The following SNTB1 variants were observed in gnomAD, a reference collection of about 807,000 sequenced individuals.
The protein encoded by SNTB1 is syntrophin beta 1.
Under a neutral mutation model 48.9 loss-of-function variants are expected in SNTB1, and 36 were observed. The ratio of observed to expected loss-of-function variants is 0.74; its 90% CI spans 0.56 to 0.97. The LOEUF (loss-of-function observed/expected upper bound fraction) is 0.97. Ranked by LOEUF, SNTB1 falls within the 50% of genes least tolerant of loss-of-function variation. The pLI is 0.00. For missense variants in SNTB1, 786 were observed against 703.4 expected, an observed-to-expected ratio of 1.12 and a Z score of -1.33; for synonymous variants, 299 against 294.6, an observed-to-expected ratio of 1.01 and a Z score of -0.15.
intron 2 of SNTB1, among the ~76,000 whole-genome samples, chr8:120,667,782 T>A (rs1163098690): frequency 6.6e-6 from 1 of 152,168 alleles, no homozygotes; most frequent in Non-Finnish European, 1.5e-5. Flanking sequence ...TGGAAACCAT[T>A]TGGTCTTTTC....
intron 1 of SNTB1, chr8:120,775,151 A>G (rs1408360733): frequency 6.6e-6 from 1 of 152,196 alleles, no homozygotes; most frequent in African/African-American, 2.4e-5. Flanking sequence ...GAAAATAGTC[A>G]ATCTGGCCTA....
intron 1 of SNTB1, among the ~76,000 whole-genome samples, chr8:120,806,818 A>G (rs547993765): frequency 2.0e-5 from 3 of 152,336 alleles, no homozygotes; most frequent in African/African-American, 7.2e-5. Flanking sequence ...GAATCTGTAC[A>G]TCCTAAATAA....
chr8:120,587,839 C>T (rs1484148302), intron 3 of SNTB1, among the ~76,000 whole-genome samples: 1 of 152,090 alleles, frequency 6.6e-6, no homozygotes, highest in African/African-American at 2.4e-5. Flanking sequence ...TTAGCCTCCT[C>T]TCGATGTGGT....
At chr8:120,684,507 C>T (rs1284986566) in intron 2 of SNTB1, among the ~76,000 whole-genome samples, 1 of 152,064 alleles carries the variant, frequency 6.6e-6, no homozygotes, top group East Asian at 1.9e-4. Context: ...AATTTCCCTC[C>T]AGATGTAGGC....
chr8:120,676,936 C>A (rs905272087), intron 2 of SNTB1, among the ~76,000 whole-genome samples: 8 of 151,824 alleles, frequency 5.3e-5, no homozygotes, highest in Admixed American at 1.3e-4. Context: ...GGGTTTTGTG[C>A]ACCTGCAGTC....
At chr8:120,711,037 G>T (rs550555440) in intron 1 of SNTB1, among the ~76,000 whole-genome samples, 1 of 152,102 alleles carries the variant, frequency 6.6e-6, no homozygotes. Flanking sequence ...TTTTTGGCTT[G>T]TGCAAAAACC....
At chr8:120,662,213 A>G (rs1181483849) in intron 2 of SNTB1, among the ~76,000 whole-genome samples, 4 of 152,240 alleles carry the variant, frequency 2.6e-5, no homozygotes, top group East Asian at 1.9e-4. Flanking sequence ...ATCTATATCT[A>G]AACTATCTAG....
intron 2 of SNTB1, among the ~76,000 whole-genome samples, chr8:120,664,845 G>A (rs1817648432): frequency 2.0e-5 from 3 of 152,166 alleles, no homozygotes; most frequent in African/African-American, 7.2e-5. Flanking sequence ...TTAAGGAATA[G>A]CCAAACTGTA....
chr8:120,755,145 TGTGTGTGTGTGTG>T (rs1819292909), intron 1 of SNTB1, among the ~76,000 whole-genome samples: 2 of 146,654 alleles, frequency 1.4e-5, no homozygotes, highest in African/African-American at 5.0e-5. Flanking sequence ...TGTGGTGTTG[TGTGTGTGTGTGTG>T]TGTGTGTGTG....
intron 2 of SNTB1, among the ~76,000 whole-genome samples, chr8:120,636,605 G>C (rs1399307218): frequency 2.6e-3 from 329 of 127,330 alleles, no homozygotes; most frequent in South Asian, 4.6e-3. Flanking sequence ...GTATTCCATG[G>C]TGTATATGTG....
intron 2 of SNTB1, among the ~76,000 whole-genome samples, chr8:120,666,346 G>A (rs537435544): frequency 6.6e-6 from 1 of 152,220 alleles, no homozygotes; most frequent in South Asian, 2.1e-4. Flanking sequence ...TTTTTGCTGG[G>A]TATAGAATAC....
At chr8:120,638,136 C>G (rs978696552) in intron 2 of SNTB1, 3 of 152,470 alleles carry the variant, frequency 2.0e-5, no homozygotes, top group Non-Finnish European at 4.4e-5. Context: ...GAGTAGGAAT[C>G]TCCTGTCAAA....
chr8:120,637,530 T>C (rs1817102420), intron 2 of SNTB1: 1 of 200,026 alleles, frequency 5.0e-6, no homozygotes, highest in Non-Finnish European at 1.0e-5. Context: ...CTTATTTTTA[T>C]TGTGACATCA....
At chr8:120,777,002 T>A (rs1227093511) in intron 1 of SNTB1, among the ~76,000 whole-genome samples, 1 of 152,178 alleles carries the variant, frequency 6.6e-6, no homozygotes, top group African/African-American at 2.4e-5. Flanking sequence ...AGAATTAACA[T>A]TCCAGTTTTA....
At position 120,792,931 on chromosome 8, in the gene SNTB1, TC is replaced by T. The variant is rs1259209216; in HGVS notation, c.571+18341del. 7.2e-5 allele frequency among the ~76,000 whole-genome samples: 11 copies of T among 151,994 alleles called. No individual in the cohort carries two copies. In the East Asian group the frequency reaches 2.1e-3, roughly 29 times the overall value. On this transcript the variant is annotated intron_variant, in intron 1 of 6. Transcript: ENST00000517992. ...CTATTACACTATGGTTCTCCCTGAC[TC>T]TAATTCAAGGCAAACTCCACTGGAA...
intron 1 of SNTB1, among the ~76,000 whole-genome samples, chr8:120,755,671 G>T (rs1488413280): frequency 6.6e-6 from 1 of 152,038 alleles, no homozygotes; most frequent in Non-Finnish European, 1.5e-5. Context: ...TGGTGGTGGT[G>T]GTAGTGATAC....
At chr8:120,795,426 GCT>G (rs1282514521) in intron 1 of SNTB1, among the ~76,000 whole-genome samples, 1 of 151,960 alleles carries the variant, frequency 6.6e-6, no homozygotes, top group Non-Finnish European at 1.5e-5. Context: ...CCATTGCCCA[GCT>G]CTCTCTGTCC....
chr8:120,538,830 G>T lies in SNTB1; in HGVS notation c.*47C>A, dbSNP rs1301344336. 3 of 1,430,434 alleles carry T rather than the reference G, an allele frequency of 2.1e-6. No homozygotes were observed. The highest frequency in any genetic ancestry group is 1.1e-5 in the South Asian group (1 of 87,220). The allele number at this position is 1,430,434 out of a possible 1,614,324, so 88.6% of individuals were successfully genotyped here. ...GATGGTGTCTGACATCACGTTCTCTGGTGGCATTGCAGCCCTTCTTTTCTC... is the reference window on the plus strand; with the variant it reads ...GATGGTGTCTGACATCACGTTCTCTTGTGGCATTGCAGCCCTTCTTTTCTC... On this transcript the variant is annotated 3_prime_UTR_variant, in exon 7 of 7. Coordinates refer to ENST00000517992, the MANE Select transcript of SNTB1 (RefSeq NM_021021.4).
intron 4 of SNTB1, among the ~76,000 whole-genome samples, chr8:120,569,131 C>T (rs1815801017): frequency 6.6e-6 from 1 of 152,188 alleles, no homozygotes; most frequent in South Asian, 2.1e-4. Flanking sequence ...CAGGCACCCA[C>T]CACCATGCCT....
Sources: gnomAD v4.1 joint callset for allele counts (sites outside exome capture counted in the v4.1 genomes callset) on GRCh38, gnomAD v4.1.1 for gene constraint, MANE v1.5 for transcripts, NCBI Gene and HGNC (gene_info 2026-07-23, HGNC 2026-07-21) for gene names.